The following BEST1 variants were observed in gnomAD, a reference collection of about 807,000 sequenced individuals.
BEST1 encodes the protein bestrophin 1.
In BEST1, 58 loss-of-function variants were observed where a neutral mutation model predicts 63.3. The ratio of observed to expected loss-of-function variants is 0.92; its 90% CI spans 0.74 to 1.14. The LOEUF (loss-of-function observed/expected upper bound fraction) is 1.14. BEST1 is among the 50% of genes most tolerant of loss of function. The pLI, the probability that BEST1 is intolerant of heterozygous loss-of-function variation, is 0.00. For synonymous variants in BEST1, 283 were observed against 291.6 expected (o/e 0.97, Z 0.30); for missense variants, 671 against 740.1 (o/e 0.91, Z 1.08).
chr11:61,955,979 C>G, intron 4 of BEST1, 28 bp downstream of exon 4: 1 of 1,538,128 alleles, frequency 6.5e-7, no homozygotes. Flanking sequence ...AACGGGGAGG[C>G]ACCGGGCAGA....
chr11:61,962,271 A>G lies in BEST1; in HGVS notation c.1117A>G (p.Met373Val), dbSNP rs1385015488. ...TFNISLNKEE[M>V]EFQPNQEDEE... ...TCTTTCCAGCCTGAACAAAGAGGAG[A>G]TGGAGTTCCAGCCCAATCAGGAGGA... The change falls in exon 10 of 11, where the codon ATG (methionine) becomes GTG (valine). Residue 373 changes from methionine (M) to valine (V), a missense_variant. Coordinates refer to ENST00000378043, the MANE Select transcript of BEST1 (RefSeq NM_004183.4). 1.2e-6 allele frequency: 2 copies of G among 1,614,066 alleles called. No individual in the cohort carries two copies. Among genetic ancestry groups the G allele is most frequent in the Non-Finnish European group, 1.7e-6 (2 of 1,179,994 alleles).
intron 2 of BEST1, 136 bp from the exon 3 acceptor site, chr11:61,954,971 G>A (rs774837709): frequency 4.0e-6 from 6 of 1,510,782 alleles, no homozygotes; most frequent in Non-Finnish European, 4.4e-6. Context: ...GGCCTCAGGA[G>A]GGGCCCTGGG....
intron 8 of BEST1, 51 bp downstream of exon 8, chr11:61,959,629 C>T (rs777015482): frequency 2.5e-6 from 4 of 1,593,228 alleles, no homozygotes; most frequent in Non-Finnish European, 3.4e-6. Flanking sequence ...CAAAGTGGAC[C>T]CAAAGAGAGG....
chr11:61,964,611 C>T (rs1167610974), downstream of BEST1: 3 of 1,154,928 alleles, frequency 2.6e-6, no homozygotes, highest in Non-Finnish European at 3.8e-6. Flanking sequence ...AATCAAAGAA[C>T]TTAAGTGGAT....
rs1274292401 is a variant in BEST1, at chr11:61,956,974, T to TA, written c.613dup (p.Ile205AsnfsTer27). ...GGCTTGGAGGTCGAATCCGGGACCC[T>TA]ATCCTGCTCCAGAGCCTGCTGAACG... On this transcript the variant is annotated frameshift_variant, in exon 5 of 11. Transcript: ENST00000378043. LOFTEE classifies it high-confidence loss of function. 1 of 1,613,992 alleles carries TA rather than the reference T, an allele frequency of 6.2e-7. No homozygotes were observed. The highest frequency in any genetic ancestry group is 1.3e-5 in the African/African-American group (1 of 74,890).
chr11:61,960,533 G>A, intron 9 of BEST1: 1 of 186,610 alleles, frequency 5.4e-6, no homozygotes, highest in South Asian at 8.9e-5. Context: ...ACCACAACTG[G>A]CTAATTTTTG....
Position 61,962,884 on chromosome 11 carries a change from T to C in BEST1, c.1730T>C (p.Leu577Ser). ...LKDHMDPYWA[L>S]ENRDEAHS is the part of the protein sequence containing the mutation. Reference sequence around the variant, plus strand: ...GATCACATGGATCCTTATTGGGCCTTGGAAAACAGGTCTGTCCTCCACCTG... The same window carrying C: ...GATCACATGGATCCTTATTGGGCCTCGGAAAACAGGTCTGTCCTCCACCTG... Residue 577 changes from leucine to serine, a missense_variant, in exon 10 of 11, where the codon TTG becomes TCG. Coordinates refer to ENST00000378043, the MANE Select transcript of BEST1 (RefSeq NM_004183.4). 28 of 1,614,204 alleles carry C rather than the reference T, an allele frequency of 1.7e-5. No homozygotes were observed. The highest frequency in any genetic ancestry group is 2.2e-5 in the Non-Finnish European group (26 of 1,180,042).
rs281865236 is a variant in BEST1, at chr11:61,955,891, C to A, written c.421C>A (p.Arg141Ser). The change falls in exon 4 of 11, where the codon CGC (arginine) becomes AGC (serine). Residue 141 changes from arginine to serine, a missense_variant. Transcript: ENST00000378043. ...YANLGNVLIL[R>S]SVSTAVYKRF... is the part of the protein sequence containing the mutation. ...CAACCTGGGCAACGTGCTCATCCTG[C>A]GCAGCGTCAGCACCGCAGTCTACAA... 2.3e-5 allele frequency: 36 copies of A among 1,550,384 alleles called. No homozygotes were observed. Among genetic ancestry groups the A allele is most frequent in the Non-Finnish European group, 3.1e-5 (36 of 1,146,934 alleles).
At chr11:61,964,911 A>G, downstream of BEST1, 1 of 1,612,754 alleles carries the variant, frequency 6.2e-7, no homozygotes. Flanking sequence ...AATGGGGAAG[A>G]CAGTTAGTGG....
At position 61,962,544 on chromosome 11, in the gene BEST1, T is replaced by C; in HGVS notation, c.1390T>C (p.Tyr464His). The change falls in exon 10 of 11, where the codon TAC becomes CAC. Residue 464 changes from tyrosine to histidine, a missense_variant. Transcript: ENST00000378043. Reference sequence around the variant, plus strand: ...TGCCCCACTGTATCAGAGGCCAGGCTACTACAGTGCCCCACAGACGCCCCT... The same window carrying C: ...TGCCCCACTGTATCAGAGGCCAGGCCACTACAGTGCCCCACAGACGCCCCT... ...KSAPLYQRPGYYSAPQTPLSP... is the reference protein window; with the variant it reads ...KSAPLYQRPGHYSAPQTPLSP... 1 of 1,614,164 alleles carries C rather than the reference T, an allele frequency of 6.2e-7. No homozygotes were observed. The highest frequency in any genetic ancestry group is 8.5e-7 in the Non-Finnish European group (1 of 1,180,030).
At chr11:61,958,905 CAT>C (rs71959357) in intron 7 of BEST1, 200,792 of 234,990 alleles carry the variant, frequency 0.85, 87,676 homozygotes, top group East Asian at 0.96. Flanking sequence ...CACACACACA[CAT>C]ACACACACAC....
downstream of BEST1, chr11:61,965,250 C>G: frequency 1.3e-6 from 2 of 1,592,906 alleles, no homozygotes; most frequent in Non-Finnish European, 1.7e-6. Flanking sequence ...TAAAAAAGCA[C>G]AAAAGGCAAA....
intron 4 of BEST1, 120 bp downstream of exon 4, chr11:61,956,071 A>G (rs1243651853): frequency 1.9e-6 from 2 of 1,055,038 alleles, no homozygotes; most frequent in East Asian, 2.6e-5. Context: ...GGGTGGAGCC[A>G]GGAGTGGGGT....
At chr11:61,950,644 A>G (rs1014740749) in intron 1 of BEST1, among the ~76,000 whole-genome samples, 1 of 152,202 alleles carries the variant, frequency 6.6e-6, no homozygotes, top group African/African-American at 2.4e-5. Flanking sequence ...CACACAGGGA[A>G]AGAATGGAGG....
At chr11:61,959,854 G>T (rs1268925846) in intron 8 of BEST1, 38 bp from the exon 9 acceptor site, 1 of 1,611,942 alleles carries the variant, frequency 6.2e-7, no homozygotes, top group Non-Finnish European at 8.5e-7. Context: ...TGCCTGGGAT[G>T]ATCTTTCTGT....
At chr11:61,960,341 G>A (rs369180360) in intron 9 of BEST1, 92 of 503,530 alleles carry the variant, frequency 1.8e-4, no homozygotes, top group African/African-American at 1.2e-3. Flanking sequence ...GCAGTGGAAC[G>A]TTAGGACCTG....
chr11:61,954,681 T>G, intron 2 of BEST1: 1 of 554,104 alleles, frequency 1.8e-6, no homozygotes, highest in East Asian at 1.5e-4. Flanking sequence ...CAGGCTGGTC[T>G]TGAACTCTTG....
At chr11:61,951,571 A>G (rs1940661810) in intron 1 of BEST1, among the ~76,000 whole-genome samples, 200 bp from the exon 2 acceptor site, 1 of 152,198 alleles carries the variant, frequency 6.6e-6, no homozygotes, top group Non-Finnish European at 1.5e-5. Context: ...CTGCCAAAGC[A>G]AAGGGCAGCC....
rs2955683 is a variant in BEST1, at chr11:61,957,703, G to A, written c.714+239G>A. Among the ~76,000 whole-genome samples, 128,323 of 151,692 alleles carry A rather than the reference G, an allele frequency of 0.85. 55,300 individuals are homozygous for A. The highest frequency in any genetic ancestry group is 1 in the East Asian group (5,144 of 5,150). Reference sequence around the variant, plus strand: ...CATATTAAAGAGAGGTTGGCCGGGTGCAGTGGCTCATGCCTGTAATCCCAG... The same window carrying A: ...CATATTAAAGAGAGGTTGGCCGGGTACAGTGGCTCATGCCTGTAATCCCAG... On this transcript the variant is annotated intron_variant, in intron 6 of 10. Coordinates refer to ENST00000378043, the MANE Select transcript of BEST1 (RefSeq NM_004183.4).
Sources: gnomAD v4.1 joint callset for allele counts (sites outside exome capture counted in the v4.1 genomes callset) on GRCh38, gnomAD v4.1.1 for gene constraint, MANE v1.5 for transcripts, NCBI Gene and HGNC (gene_info 2026-07-23, HGNC 2026-07-21) for gene names.